CAMTA1: variants seen among roughly 807,000 people sequenced by gnomAD.
The protein encoded by CAMTA1 is calmodulin binding transcription activator 1.
In CAMTA1, 27 loss-of-function variants were observed where a neutral mutation model predicts 170.9. The observed-to-expected ratio is 0.16, with a 90% confidence interval of 0.12 to 0.22. The LOEUF (loss-of-function observed/expected upper bound fraction) is 0.22. CAMTA1 is among the 10% of genes least tolerant of loss of function. The pLI, the probability that CAMTA1 is intolerant of heterozygous loss-of-function variation, is 1.00. For synonymous variants in CAMTA1, 833 were observed against 891.5 expected (o/e 0.93, Z 1.17); for missense variants, 1,619 against 2,217.2 (o/e 0.73, Z 5.42).
chr1:6,975,896 A>T (rs530548706), intron 3 of CAMTA1, among the ~76,000 whole-genome samples: 54 of 152,266 alleles, frequency 3.5e-4, no homozygotes, highest in African/African-American at 1.2e-3. Context: ...TGTAAACAGG[A>T]TAGTGCAGTA....
rs775599777 is a variant in CAMTA1 at position 7,685,253 on chromosome 1, T to A, written c.2914+7520T>A. Among the ~76,000 whole-genome samples the A allele has an allele frequency of 2.0e-5, 3 of 152,092 alleles. No individual in the cohort carries two copies. Among genetic ancestry groups the A allele is most frequent in the Admixed American group, 6.5e-5 (1 of 15,288 alleles). ...CATTTACTATATACACAGCAATACG[T>A]ATTTAGGGAAGGATGCAGATATGGG... On this transcript the variant is annotated intron_variant, in intron 11 of 22. Coordinates refer to ENST00000303635, the MANE Select transcript of CAMTA1 (RefSeq NM_015215.4). The surrounding 1 kb of genome is among the most constrained non-coding windows in gnomAD (Gnocchi z 5.7).
chr1:7,034,315 G>A (rs1045850908), intron 3 of CAMTA1, among the ~76,000 whole-genome samples: 1 of 152,060 alleles, frequency 6.6e-6, no homozygotes, highest in African/African-American at 2.4e-5. Flanking sequence ...CACCACCACA[G>A]CCAGTTAATT....
intron 6 of CAMTA1, among the ~76,000 whole-genome samples, chr1:7,522,599 G>A (rs2094380283): frequency 6.6e-6 from 1 of 152,172 alleles, no homozygotes; most frequent in Non-Finnish European, 1.5e-5. Flanking sequence ...TTTTCTACAA[G>A]TATTATAATT....
At position 7,534,606 on chromosome 1, in the gene CAMTA1, C is replaced by T. The variant is rs1187237853; in HGVS notation, c.510+66705C>T. On this transcript the variant is annotated intron_variant, in intron 6 of 22. Coordinates refer to ENST00000303635, the MANE Select transcript of CAMTA1 (RefSeq NM_015215.4). The surrounding 1 kb of genome is among the most constrained non-coding windows in gnomAD (Gnocchi z 5.6). ...CCTCTGTCTTTGTCTGGCATGTCCT[C>T]GGCGGCACGGGCTGTGGCCGCAGAA... is the stretch of plus-strand genomic sequence containing the variant. 6.6e-6 allele frequency among the ~76,000 whole-genome samples: 1 copy of T among 152,174 alleles called. No homozygotes were observed. The highest frequency in any genetic ancestry group is 2.4e-5 in the African/African-American group (1 of 41,434).
At position 7,093,090 on chromosome 1, in the gene CAMTA1, C is replaced by T. The variant is rs928528989; in HGVS notation, c.302+1719C>T. ...ATTTGGTGAATACGGCCATGTTAAA[C>T]TAGAGAGCCTGACATGCTCATTTCC... On this transcript the variant is annotated intron_variant, in intron 4 of 22. Transcript: ENST00000303635. The surrounding 1 kb of genome is among the most constrained non-coding windows in gnomAD (Gnocchi z 4.6). Among the ~76,000 whole-genome samples the T allele has an allele frequency of 2.0e-5, 3 of 152,206 alleles. No individual in the cohort carries two copies. The highest frequency in any genetic ancestry group is 7.2e-5 in the African/African-American group (3 of 41,460).
chr1:7,252,119 T>C (rs1318424897), intron 5 of CAMTA1, among the ~76,000 whole-genome samples: 2 of 152,338 alleles, frequency 1.3e-5, no homozygotes, highest in Admixed American at 1.3e-4. Flanking sequence ...ACACGTCTTT[T>C]TGGGCACATA....
chr1:6,949,771 C>T (rs889337146), intron 3 of CAMTA1, among the ~76,000 whole-genome samples: 1 of 152,260 alleles, frequency 6.6e-6, no homozygotes, highest in African/African-American at 2.4e-5. Flanking sequence ...ATGACATTAA[C>T]GTTGCATCCC....
At chr1:7,741,339 G>A (rs1049786172) in intron 16 of CAMTA1, among the ~76,000 whole-genome samples, 6 of 152,000 alleles carry the variant, frequency 3.9e-5, no homozygotes, top group East Asian at 1.9e-4. Flanking sequence ...CGAGGCGGGC[G>A]GATCACGAGG....
intron 3 of CAMTA1, among the ~76,000 whole-genome samples, chr1:6,833,955 G>A (rs1651686138): frequency 6.6e-6 from 1 of 152,160 alleles, no homozygotes; most frequent in Admixed American, 6.5e-5. Flanking sequence ...AAGCAGATTC[G>A]AGTCTTGGCT....
intron 3 of CAMTA1, among the ~76,000 whole-genome samples, chr1:6,947,077 C>T (rs1300324432): frequency 6.6e-6 from 1 of 152,142 alleles, no homozygotes; most frequent in African/African-American, 2.4e-5. Context: ...TCTATTTTCC[C>T]CCATTGAATT....
chr1:7,736,282 A>C lies in CAMTA1; in HGVS notation c.3067-62A>C. On this transcript the variant is annotated intron_variant, in intron 12 of 22. Coordinates refer to ENST00000303635, the MANE Select transcript of CAMTA1 (RefSeq NM_015215.4). This position sits in a 1 kb window ranked among gnomAD's most constrained non-coding sequence, Gnocchi z 4.5. The stretch of plus-strand genomic sequence containing the variant: ...TAAAGCATTTGTTTCCCCTACATCG[A>C]AGCGCTGATGGGGTCGAGGGCCTTT... 7.2e-7 allele frequency: 1 copy of C among 1,388,538 alleles called. No homozygotes were observed. The highest frequency in any genetic ancestry group is 1.0e-6 in the Non-Finnish European group (1 of 993,106). 86.0% of individuals were successfully genotyped at this position (1,388,538 alleles called of 1,614,324 possible).
Position 7,227,552 on chromosome 1 carries a change from C to T in CAMTA1, c.303-21939C>T, listed in dbSNP as rs182929425. Among the ~76,000 whole-genome samples the T allele has an allele frequency of 2.7e-3, 412 of 152,218 alleles. 2 individuals are homozygous for T. Among genetic ancestry groups the T allele is most frequent in the Non-Finnish European group, 4.7e-3 (317 of 68,010 alleles). ...CCATGTTGGTCAGGCTGGTCTCGAA[C>T]TCCCAACCTCAGGTGATCCACCTGC... is the stretch of plus-strand genomic sequence containing the variant. On this transcript the variant is annotated intron_variant, in intron 4 of 22. Coordinates refer to ENST00000303635, the MANE Select transcript of CAMTA1 (RefSeq NM_015215.4).
intron 5 of CAMTA1, among the ~76,000 whole-genome samples, chr1:7,296,617 C>T (rs150229371): frequency 1.6e-4 from 25 of 152,144 alleles, no homozygotes; most frequent in African/African-American, 2.4e-4. Flanking sequence ...GAGTGAATGA[C>T]GGTGCTATTC....
chr1:7,493,628 C>T (rs1274064416), intron 6 of CAMTA1, among the ~76,000 whole-genome samples: 2 of 100,484 alleles, frequency 2.0e-5, no homozygotes, highest in African/African-American at 9.4e-5. Flanking sequence ...GCACAGCATC[C>T]ATCCCCCAGG....
At chr1:6,850,706 A>G (rs896839618) in intron 3 of CAMTA1, among the ~76,000 whole-genome samples, 1 of 152,246 alleles carries the variant, frequency 6.6e-6, no homozygotes, top group East Asian at 1.9e-4. Context: ...ATTTGCAGTC[A>G]TTTCTTTCCC....
intron 7 of CAMTA1, among the ~76,000 whole-genome samples, chr1:7,660,147 T>G (rs1481935739): frequency 6.6e-6 from 1 of 152,234 alleles, no homozygotes; most frequent in African/African-American, 2.4e-5. Flanking sequence ...CAATCTCGGC[T>G]CACTGCAACC....
chr1:7,014,852 G>T lies in CAMTA1; in HGVS notation c.235-76452G>T, dbSNP rs1479180612. On this transcript the variant is annotated intron_variant, in intron 3 of 22. Coordinates refer to ENST00000303635, the MANE Select transcript of CAMTA1 (RefSeq NM_015215.4). The surrounding 1 kb of genome is among the most constrained non-coding windows in gnomAD (Gnocchi z 4.2). ...GGGGGAGCGGGTGGTGGCATCAGTGGGTTTCTGATGAATGCCTGGAGTTGT... is the reference window on the plus strand; with the variant it reads ...GGGGGAGCGGGTGGTGGCATCAGTGTGTTTCTGATGAATGCCTGGAGTTGT... Among the ~76,000 whole-genome samples the T allele has an allele frequency of 1.3e-5, 2 of 152,108 alleles. No individual in the cohort carries two copies. The highest frequency in any genetic ancestry group is 4.8e-5 in the African/African-American group (2 of 41,426).
Position 7,014,438 on chromosome 1 carries a change from A to C in CAMTA1, c.235-76866A>C, listed in dbSNP as rs1700248427. ...CTGGCTCCTTCTTCCTGGGGATCCC[A>C]GCGCCCACTACAAAGGTGAACTCCT... On this transcript the variant is annotated intron_variant, in intron 3 of 22. Coordinates refer to ENST00000303635, the MANE Select transcript of CAMTA1 (RefSeq NM_015215.4). This position sits in a 1 kb window ranked among gnomAD's most constrained non-coding sequence, Gnocchi z 4.2. Among the ~76,000 whole-genome samples, 1 of 152,148 alleles carries C rather than the reference A, an allele frequency of 6.6e-6. No individual in the cohort carries two copies. The highest frequency in any genetic ancestry group is 6.5e-5 in the Admixed American group (1 of 15,268).
chr1:7,377,776 C>T (rs1203786312), intron 5 of CAMTA1, among the ~76,000 whole-genome samples: 4 of 151,956 alleles, frequency 2.6e-5, no homozygotes, highest in Non-Finnish European at 5.9e-5. Flanking sequence ...AAAAATTAGC[C>T]GAGTGATAGT....
Sources: gnomAD v4.1 joint callset for allele counts (sites outside exome capture counted in the v4.1 genomes callset) on GRCh38, gnomAD v4.1.1 for gene constraint, Gnocchi (gnomAD v3.1) non-coding constraint, MANE v1.5 for transcripts, NCBI Gene and HGNC (gene_info 2026-07-23, HGNC 2026-07-21) for gene names.